MAP3K13: variants seen among roughly 807,000 people sequenced by gnomAD.
MAP3K13 encodes the protein mitogen-activated protein kinase kinase kinase 13, also known as leucine zipper-bearing kinase.
In MAP3K13, 52 loss-of-function variants were observed where a neutral mutation model predicts 104.0. The observed-to-expected ratio is 0.50, with a 90% CI of 0.40 to 0.63. The LOEUF (loss-of-function observed/expected upper bound fraction) is 0.63. Ranked by LOEUF, MAP3K13 falls within the 20% of genes least tolerant of loss-of-function variation. The pLI, the probability that MAP3K13 is intolerant of heterozygous loss-of-function variation, is 0.00. For synonymous variants in MAP3K13, 394 were observed against 442.2 expected (o/e 0.89, Z 1.37); for missense variants, 914 against 1,218.5 (o/e 0.75, Z 3.72).
chr3:185,434,936 T>C (rs1714940107), intron 2 of MAP3K13, among the ~76,000 whole-genome samples: 1 of 152,160 alleles, frequency 6.6e-6, no homozygotes, highest in Non-Finnish European at 1.5e-5. Context: ...TAATACTTTA[T>C]TCAGCCCCCA....
At chr3:185,395,150 G>T (rs913561855) in intron 1 of MAP3K13, among the ~76,000 whole-genome samples, 3 of 151,994 alleles carry the variant, frequency 2.0e-5, no homozygotes, top group African/African-American at 7.2e-5. Context: ...CTTGTTTCTT[G>T]ATATAGGTAT....
intron 2 of MAP3K13, among the ~76,000 whole-genome samples, chr3:185,340,985 G>A (rs1722699947): frequency 6.6e-6 from 1 of 152,070 alleles, no homozygotes; most frequent in Non-Finnish European, 1.5e-5. Context: ...ATCCTATCCA[G>A]TCTGACTTCA....
At position 185,473,290 on chromosome 3, in the gene MAP3K13, T is replaced by C. The variant is rs769258097; in HGVS notation, c.1959T>C (p.His653=). The C allele has an allele frequency of 2.5e-6, 4 of 1,614,132 alleles. No homozygotes were observed. The highest frequency in any genetic ancestry group is 3.4e-6 in the Non-Finnish European group (4 of 1,180,020). ...CTCCTGCCATGTCCCAGAGTCACCA[T>C]CCCAGACTCAATATGCACGGACAGG... ...QPPPAMSQSH[H]PRLNMHGQDI... is the part of the protein sequence containing the mutation. The change falls in exon 11 of 14, where the codon CAT becomes CAC. Residue 653 remains histidine, a synonymous_variant. Transcript: ENST00000265026. The surrounding 1 kb of genome is among the most constrained non-coding windows in gnomAD (Gnocchi z 4.9).
intron 2 of MAP3K13, among the ~76,000 whole-genome samples, chr3:185,287,482 C>T (rs975952311): frequency 6.6e-5 from 10 of 152,154 alleles, no homozygotes; most frequent in African/African-American, 2.2e-4. Context: ...CTTGGGAATG[C>T]AGCAGAAAAT....
At chr3:185,467,392 A>G (rs1176381087) in intron 10 of MAP3K13, among the ~76,000 whole-genome samples, 1 of 152,198 alleles carries the variant, frequency 6.6e-6, no homozygotes, top group Non-Finnish European at 1.5e-5. Flanking sequence ...ACAATAGACC[A>G]TGCATGGCTT....
chr3:185,390,999 G>T (rs757823306), intron 1 of MAP3K13, among the ~76,000 whole-genome samples: 31 of 152,054 alleles, frequency 2.0e-4, no homozygotes, highest in Non-Finnish European at 4.1e-4. Context: ...ACCAATAGCT[G>T]CCAGTTACTG....
chr3:185,454,979 T>G (rs534068472), intron 7 of MAP3K13, among the ~76,000 whole-genome samples: 1 of 66,174 alleles, frequency 1.5e-5, no homozygotes, highest in Non-Finnish European at 3.4e-5. Flanking sequence ...ATATATATGA[T>G]ATATATGAGA....
chr3:185,455,494 A>C (rs1288683267), intron 7 of MAP3K13, among the ~76,000 whole-genome samples: 4 of 100,562 alleles, frequency 4.0e-5, no homozygotes, highest in Non-Finnish European at 7.5e-5. Flanking sequence ...TATGAGATAT[A>C]TACATGAGAT....
At chr3:185,455,037 G>C (rs1268584007) in intron 7 of MAP3K13, among the ~76,000 whole-genome samples, 1 of 86,720 alleles carries the variant, frequency 1.2e-5, no homozygotes, top group South Asian at 4.3e-4. Context: ...AGATATATAT[G>C]ATATATATAT....
chr3:185,355,838 GA>G (rs563786269), intron 2 of MAP3K13, among the ~76,000 whole-genome samples: 94 of 152,276 alleles, frequency 6.2e-4, no homozygotes, highest in Non-Finnish European at 1.2e-3. Flanking sequence ...ATGAAATTCA[GA>G]AATATAAAAT....
chr3:185,394,856 T>G (rs1257146773), intron 1 of MAP3K13, among the ~76,000 whole-genome samples: 1 of 152,190 alleles, frequency 6.6e-6, no homozygotes, highest in Non-Finnish European at 1.5e-5. Flanking sequence ...TGTGTAACAT[T>G]AGAGAAGTTA....
intron 2 of MAP3K13, among the ~76,000 whole-genome samples, chr3:185,335,188 G>A (rs917115964): frequency 6.6e-6 from 1 of 152,122 alleles, no homozygotes; most frequent in African/African-American, 2.4e-5. Flanking sequence ...CTAGTAAGAG[G>A]ACCATGCAGC....
intron 2 of MAP3K13, among the ~76,000 whole-genome samples, chr3:185,338,658 A>G (rs1722602316): frequency 6.6e-6 from 1 of 152,094 alleles, no homozygotes. Context: ...CAATTTTGAT[A>G]TTTTTTATTT....
intron 10 of MAP3K13, 117 bp downstream of exon 10, chr3:185,467,080 A>C (rs941723865): frequency 7.9e-6 from 9 of 1,142,732 alleles, no homozygotes; most frequent in Non-Finnish European, 1.1e-5. Context: ...GACTGTAGAG[A>C]TACTCAGTAC....
chr3:185,373,944 G>T (rs1186912592), intron 1 of MAP3K13, among the ~76,000 whole-genome samples: 1 of 151,520 alleles, frequency 6.6e-6, no homozygotes, highest in South Asian at 2.1e-4. Flanking sequence ...AGTTCTTATA[G>T]GTTTTGGGAT....
chr3:185,434,169 A>G (rs1052061483), intron 2 of MAP3K13, among the ~76,000 whole-genome samples: 1 of 152,160 alleles, frequency 6.6e-6, no homozygotes, highest in Non-Finnish European at 1.5e-5. Context: ...AATTAAAAGA[A>G]AAAGGCTTAT....
intron 2 of MAP3K13, among the ~76,000 whole-genome samples, chr3:185,348,392 A>G (rs1036626185): frequency 1.3e-5 from 2 of 152,354 alleles, no homozygotes; most frequent in East Asian, 3.9e-4. Flanking sequence ...ATGATATTCA[A>G]TGGAGCTTCA....
intron 4 of MAP3K13, among the ~76,000 whole-genome samples, chr3:185,446,625 G>A (rs923124514): frequency 4.6e-5 from 7 of 152,192 alleles, no homozygotes; most frequent in African/African-American, 1.7e-4. Context: ...ACTATGACAA[G>A]TAAAACAGGA....
intron 11 of MAP3K13, among the ~76,000 whole-genome samples, chr3:185,476,340 T>C (rs1313881847): frequency 7.1e-6 from 1 of 141,060 alleles, no homozygotes; most frequent in Non-Finnish European, 1.5e-5. Context: ...TAACTTCATC[T>C]CTGTCTTTCC....
Sources: allele counts gnomAD v4.1 joint callset (sites outside exome capture counted in the v4.1 genomes callset), GRCh38; gene constraint gnomAD v4.1.1; non-coding constraint Gnocchi (gnomAD v3.1); transcripts MANE v1.5; gene names NCBI Gene and HGNC (gene_info 2026-07-23, HGNC 2026-07-21).